The following C14orf39 variants were observed in gnomAD, a reference collection of about 807,000 sequenced individuals.
The protein encoded by C14orf39 is chromosome 14 open reading frame 39.
Under a neutral mutation model 85.6 loss-of-function variants are expected in C14orf39, and 66 were observed. The observed-to-expected ratio is 0.77, with a 90% confidence interval of 0.63 to 0.95. The LOEUF (loss-of-function observed/expected upper bound fraction) is 0.95, where lower values mean the gene tolerates loss of function less well. Among genes scored for constraint, C14orf39 ranks in the 40% least tolerant of loss-of-function variants. The pLI is 0.00. For missense variants in C14orf39, 735 were observed against 663.9 expected (o/e 1.11, Z -1.18); for synonymous variants, 242 against 214.0 (o/e 1.13, Z -1.14).
At chr14:60,483,302 C>G (rs1423702622) in intron 4 of C14orf39, among the ~76,000 whole-genome samples, 1 of 152,064 alleles carries the variant, frequency 6.6e-6, no homozygotes, top group Non-Finnish European at 1.5e-5. Context: ...AATCCAGAAC[C>G]TGAAGCCATG....
chr14:60,510,953 C>A, intron 1 of C14orf39: 3 of 934,910 alleles, frequency 3.2e-6, no homozygotes, highest in Non-Finnish European at 4.9e-6. Flanking sequence ...GCCGAGTAAT[C>A]CTCGCCTTAA....
At chr14:60,503,927 A>G (rs1893174764) in intron 1 of C14orf39, among the ~76,000 whole-genome samples, 1 of 152,296 alleles carries the variant, frequency 6.6e-6, no homozygotes, top group East Asian at 1.9e-4. Context: ...CTTGTTGATC[A>G]TTTGGGGCAA....
At position 60,511,132 on chromosome 14, in the gene C14orf39, G is replaced by A. The variant is rs140916124; in HGVS notation, c.-144+4263C>T. On this transcript the variant is annotated intron_variant, in intron 1 of 5. Coordinates refer to the C14orf39 transcript ENST00000556799. ...AGGGTTCCGGGCGGGCACTACGGGCGGAGGGCGACGGCACGCCAGAGGTGC... is the reference window on the plus strand; with the variant it reads ...AGGGTTCCGGGCGGGCACTACGGGCAGAGGGCGACGGCACGCCAGAGGTGC... 19 of 1,612,882 alleles carry A rather than the reference G, an allele frequency of 1.2e-5. No homozygotes were observed. The highest frequency in any genetic ancestry group is 1.4e-5 in the Non-Finnish European group (17 of 1,179,878).
intron 16 of C14orf39, among the ~76,000 whole-genome samples, chr14:60,445,772 C>T (rs1890737496): frequency 2.6e-5 from 4 of 152,174 alleles, no homozygotes; most frequent in African/African-American, 4.8e-5. Context: ...CTTCTCAGCA[C>T]CACATTGCAC....
At chr14:60,448,173 A>G (rs896573404) in intron 16 of C14orf39, among the ~76,000 whole-genome samples, 3 of 152,232 alleles carry the variant, frequency 2.0e-5, no homozygotes, top group Admixed American at 2.0e-4. Flanking sequence ...CAATGGCAAC[A>G]AAAGCCAAAA....
At chr14:60,478,569 A>T (rs1892501198) in intron 4 of C14orf39, among the ~76,000 whole-genome samples, 180 bp from the exon 5 acceptor site, 2 of 152,166 alleles carry the variant, frequency 1.3e-5, no homozygotes, top group Admixed American at 1.3e-4. Context: ...CCATTCAAGG[A>T]CTATTATGCT....
chr14:60,496,693 G>A (rs1024474892), intron 2 of C14orf39: 1 of 152,650 alleles, frequency 6.6e-6, no homozygotes, highest in African/African-American at 2.4e-5. Flanking sequence ...TCCCAGTGAA[G>A]CTGCTTTACC....
intron 11 of C14orf39, among the ~76,000 whole-genome samples, chr14:60,462,366 A>G (rs1275695905): frequency 6.6e-6 from 1 of 152,172 alleles, no homozygotes; most frequent in Non-Finnish European, 1.5e-5. Context: ...TCCAACCTGG[A>G]GGTGACACGG....
intron 15 of C14orf39, among the ~76,000 whole-genome samples, chr14:60,455,854 AGTTT>A (rs775276514): frequency 3.9e-5 from 6 of 152,142 alleles, no homozygotes; most frequent in Non-Finnish European, 8.8e-5. Context: ...TGCCTTGCAC[AGTTT>A]GTTGTTTGTT....
chr14:60,439,089 G>A (rs1204123753), intron 17 of C14orf39, among the ~76,000 whole-genome samples: 1 of 152,190 alleles, frequency 6.6e-6, no homozygotes, highest in Non-Finnish European at 1.5e-5. Context: ...AATGATAAAC[G>A]TCTGAGGTGA....
intron 4 of C14orf39, among the ~76,000 whole-genome samples, chr14:60,483,026 C>T (rs1892714508): frequency 6.6e-6 from 1 of 151,764 alleles, no homozygotes; most frequent in Non-Finnish European, 1.5e-5. Flanking sequence ...CTATTTGCAC[C>T]ATATATGTGT....
intron 1 of C14orf39, chr14:60,511,800 T>C (rs1893298421): frequency 6.2e-6 from 1 of 161,728 alleles, no homozygotes; most frequent in African/African-American, 2.4e-5. Context: ...GGCAACCTTC[T>C]TAATTAAGGG....
At chr14:60,483,553 T>C (rs1383066748) in intron 4 of C14orf39, 138 bp downstream of exon 4, 5 of 638,520 alleles carry the variant, frequency 7.8e-6, no homozygotes, top group Admixed American at 3.8e-5. Context: ...TCCCTTTACA[T>C]AGTGGCATAA....
chr14:60,443,281 T>C (rs1171670700), intron 16 of C14orf39, among the ~76,000 whole-genome samples: 1 of 152,296 alleles, frequency 6.6e-6, no homozygotes, highest in East Asian at 1.9e-4. Context: ...AGGGAAGCTG[T>C]GACAGACTGT....
intron 7 of C14orf39, among the ~76,000 whole-genome samples, 167 bp downstream of exon 7, chr14:60,471,250 T>G (rs2140121546): frequency 6.6e-6 from 1 of 152,118 alleles, no homozygotes; most frequent in Middle Eastern, 3.4e-3. Flanking sequence ...ATCACATGAA[T>G]ATACATGAAA....
chr14:60,511,019 G>A (rs1594632219), intron 1 of C14orf39: 5 of 1,530,690 alleles, frequency 3.3e-6, no homozygotes, highest in Non-Finnish European at 4.5e-6. Flanking sequence ...CGCAGGAGGT[G>A]GTGGGGGCGG....
At chr14:60,461,706 T>C in intron 11 of C14orf39, 113 bp from the exon 12 acceptor site, 3 of 556,038 alleles carry the variant, frequency 5.4e-6, no homozygotes, top group African/African-American at 1.9e-5. Flanking sequence ...CTTTCCATCA[T>C]TACCATCATT....
intron 5 of C14orf39, among the ~76,000 whole-genome samples, chr14:60,472,523 A>C (rs961295290): frequency 7.9e-5 from 12 of 151,942 alleles, no homozygotes; most frequent in Non-Finnish European, 1.5e-4. Context: ...TTAGCATTAG[A>C]TATATCTCCT....
At chr14:60,486,692 G>A (rs1892901244), upstream of C14orf39, among the ~76,000 whole-genome samples, 1 of 152,134 alleles carries the variant, frequency 6.6e-6, no homozygotes. Flanking sequence ...TATATTTCTC[G>A]TAGAAATGTT....
Sources: gnomAD v4.1 joint callset for allele counts (sites outside exome capture counted in the v4.1 genomes callset) on GRCh38, gnomAD v4.1.1 for gene constraint, MANE v1.5 for transcripts, NCBI Gene and HGNC (gene_info 2026-07-23, HGNC 2026-07-21) for gene names.